The following ITGA6 variants were observed in gnomAD, a reference collection of about 807,000 sequenced individuals.
The protein encoded by ITGA6 is integrin subunit alpha 6.
Under a neutral mutation model 133.6 loss-of-function variants are expected in ITGA6, and 63 were observed. That is an observed-to-expected ratio of 0.47 (90% CI 0.38 to 0.58). ITGA6 has a LOEUF of 0.58. Ranked by LOEUF, ITGA6 falls within the 20% of genes least tolerant of loss-of-function variation. The pLI is 0.00. For missense variants in ITGA6, 1,068 were observed against 1,309.4 expected (o/e 0.82, Z 2.85); for synonymous variants, 434 against 482.0 (o/e 0.90, Z 1.30).
chr2:172,454,947 G>A (rs192649779), intron 1 of ITGA6, among the ~76,000 whole-genome samples: 131 of 152,154 alleles, frequency 8.6e-4, no homozygotes, highest in Admixed American at 1.6e-3. Flanking sequence ...CCGGTGACAC[G>A]AGTTGTGCTG....
At chr2:172,448,722 A>C (rs2149012860) in intron 1 of ITGA6, among the ~76,000 whole-genome samples, 1 of 152,346 alleles carries the variant, frequency 6.6e-6, no homozygotes, top group South Asian at 2.1e-4. Context: ...AAACATGAAA[A>C]TTCCGGGCTG....
intron 1 of ITGA6, among the ~76,000 whole-genome samples, chr2:172,455,877 C>T (rs955661906): frequency 4.6e-5 from 7 of 152,172 alleles, no homozygotes; most frequent in African/African-American, 1.7e-4. Context: ...AGGTGTTAGT[C>T]TGGTAGATTG....
intron 24 of ITGA6, among the ~76,000 whole-genome samples, 181 bp downstream of exon 24, chr2:172,498,281 T>A (rs910947949): frequency 1.3e-5 from 2 of 152,242 alleles, no homozygotes; most frequent in Non-Finnish European, 2.9e-5. Flanking sequence ...ATTTACCGAA[T>A]ATTTTGTATT....
At chr2:172,472,950 TTTG>T in intron 5 of ITGA6, 1 of 1,066,840 alleles carries the variant, frequency 9.4e-7, no homozygotes, top group East Asian at 2.4e-5. Context: ...AATTTTTTTT[TTTG>T]ATCCATACAG....
chr2:172,443,002 T>C (rs896497115), intron 1 of ITGA6, among the ~76,000 whole-genome samples: 1 of 152,170 alleles, frequency 6.6e-6, no homozygotes, highest in African/African-American at 2.4e-5. Flanking sequence ...GGTAGTACAG[T>C]CACATGGTAC....
chr2:172,502,193 G>C (rs557138852), intron 25 of ITGA6, among the ~76,000 whole-genome samples: 1 of 152,274 alleles, frequency 6.6e-6, no homozygotes, highest in African/African-American at 2.4e-5. Flanking sequence ...GAGACTTTTA[G>C]CCCTCCATAG....
At chr2:172,439,495 C>G (rs1380512931) in intron 1 of ITGA6, among the ~76,000 whole-genome samples, 1 of 151,814 alleles carries the variant, frequency 6.6e-6, no homozygotes, top group Non-Finnish European at 1.5e-5. Flanking sequence ...AGCATACATT[C>G]CCCTGGTGTG....
intron 17 of ITGA6, 66 bp downstream of exon 17, chr2:172,487,873 G>T (rs1378164319): frequency 2.5e-5 from 37 of 1,472,580 alleles, no homozygotes; most frequent in Non-Finnish European, 3.1e-5. Flanking sequence ...CAATGAATTG[G>T]CCCTGATCTA....
At position 172,427,832 on chromosome 2, in the gene ITGA6, G is replaced by A. The variant is rs1257432098; in HGVS notation, c.44G>A (p.Gly15Glu). The change falls in exon 1 of 26, where the codon GGG becomes GAG. Residue 15 changes from glycine (G) to glutamate (E), a missense_variant. By Grantham distance (98) the Gly-to-Glu change is moderately conservative (BLOSUM62 -2). Transcript: ENST00000684293. ...GQLCLLYLSA[G>E]LLSRLGAAFN... ...CTGTGCTTGCTCTACCTGTCGGCGG[G>A]GCTCCTGTCCCGGCTCGGCGCAGCC... is the stretch of plus-strand genomic sequence containing the variant. The A allele has an allele frequency of 1.9e-6, 3 of 1,603,508 alleles. No individual in the cohort carries two copies. The highest frequency in any genetic ancestry group is 1.3e-5 in the African/African-American group (1 of 74,106).
intron 4 of ITGA6, among the ~76,000 whole-genome samples, chr2:172,470,576 A>G (rs1177113697): frequency 2.6e-5 from 4 of 152,338 alleles, no homozygotes; most frequent in African/African-American, 7.2e-5. Flanking sequence ...GAAAAGATCA[A>G]TATGTCTCAC....
chr2:172,456,028 G>A (rs903554297), intron 1 of ITGA6, among the ~76,000 whole-genome samples: 1 of 152,220 alleles, frequency 6.6e-6, no homozygotes, highest in Non-Finnish European at 1.5e-5. Flanking sequence ...TAACTAAAGA[G>A]AGGAGAGTAA....
Position 172,491,625 on chromosome 2 carries a change from A to G in ITGA6, c.2988+102A>G. 1.3e-6 allele frequency: 1 copy of G among 773,814 alleles called. No homozygotes were observed. The highest frequency in any genetic ancestry group is 2.3e-6 in the Non-Finnish European group (1 of 443,026). 47.9% of individuals were successfully genotyped at this position (773,814 alleles called of 1,614,324 possible). A position where few individuals can be genotyped will look rare whatever the true frequency, so the allele number is the denominator to read the frequency against. On this transcript the variant is annotated intron_variant, in intron 23 of 25. Transcript: ENST00000684293. The surrounding 1 kb of genome is among the most constrained non-coding windows in gnomAD (Gnocchi z 4.4). The stretch of plus-strand genomic sequence containing the variant: ...ATGTGCTTTGGTGCTCATTTCCCTC[A>G]TAGCCCCATTACGGAGAAAACTGTC...
chr2:172,445,801 G>A (rs1464835118), intron 1 of ITGA6, among the ~76,000 whole-genome samples: 2 of 152,148 alleles, frequency 1.3e-5, no homozygotes, highest in East Asian at 3.9e-4. Flanking sequence ...TCCACCACTG[G>A]AGCCTCAACC....
chr2:172,461,260 G>C (rs1464716503), intron 1 of ITGA6, among the ~76,000 whole-genome samples: 1 of 152,110 alleles, frequency 6.6e-6, no homozygotes, highest in Non-Finnish European at 1.5e-5. Flanking sequence ...CGTTAAAGAT[G>C]ATTTTGTGGT....
At chr2:172,479,092 A>C (rs1686307449) in intron 9 of ITGA6, among the ~76,000 whole-genome samples, 1 of 152,182 alleles carries the variant, frequency 6.6e-6, no homozygotes, top group South Asian at 2.1e-4. Context: ...AAAGCTCAAC[A>C]ACGTGAATGT....
At chr2:172,429,750 G>C (rs1477752446) in intron 1 of ITGA6, among the ~76,000 whole-genome samples, 2 of 152,240 alleles carry the variant, frequency 1.3e-5, no homozygotes, top group Non-Finnish European at 2.9e-5. Flanking sequence ...GCAGCTGACA[G>C]AGGGGAGAGG....
intron 1 of ITGA6, among the ~76,000 whole-genome samples, chr2:172,429,175 G>GT (rs11366206): frequency 0.11 from 16,917 of 147,586 alleles, 974 homozygotes; most frequent in East Asian, 0.15. Context: ...ATTTTAGTCA[G>GT]TTTTTTTTTT....
chr2:172,479,919 T>A (rs1391575962), intron 10 of ITGA6, 71 bp from the exon 11 acceptor site: 1 of 1,125,748 alleles, frequency 8.9e-7, no homozygotes. Context: ...ATTGGAGAGC[T>A]AGGGAACATG....
intron 9 of ITGA6, among the ~76,000 whole-genome samples, chr2:172,477,547 T>A (rs1224741047): frequency 6.6e-6 from 1 of 152,264 alleles, no homozygotes; most frequent in Non-Finnish European, 1.5e-5. Flanking sequence ...AATCTTGGGC[T>A]ATCTCTCCTT....
Sources: allele counts gnomAD v4.1 joint callset (sites outside exome capture counted in the v4.1 genomes callset), GRCh38; gene constraint gnomAD v4.1.1; non-coding constraint Gnocchi (gnomAD v3.1); transcripts MANE v1.5; gene names NCBI Gene and HGNC (gene_info 2026-07-23, HGNC 2026-07-21).